Variants in ANXA4 observed in about 807,000 individuals in gnomAD.
The protein encoded by ANXA4 is 35-beta calcimedin.
In ANXA4, 39 loss-of-function variants were observed where a neutral mutation model predicts 49.8. That is an observed-to-expected ratio of 0.78 (90% CI 0.61 to 1.02). The LOEUF is 1.02. Ranked by LOEUF, ANXA4 falls within the 50% of genes least tolerant of loss-of-function variation. The pLI is 0.00. For missense variants in ANXA4, 360 were observed against 410.1 expected, an observed-to-expected ratio of 0.88 and a Z score of 1.05; for synonymous variants, 134 against 152.5, an observed-to-expected ratio of 0.88 and a Z score of 0.89.
Position 69,816,043 on chromosome 2 carries a change from G to A in ANXA4, c.535-58G>A, listed in dbSNP as rs956469212. ...GCTCTTTGAGCTTCTGGAAATATTT[G>A]CCTGTGTCCTGGCACATCGTTTTTG... On this transcript the variant is annotated intron_variant, in intron 8 of 12. Coordinates refer to ENST00000394295, the MANE Select transcript of ANXA4 (RefSeq NM_001153.5). 9.5e-5 allele frequency: 127 copies of A among 1,342,640 alleles called. 2 individuals carry two copies. Among genetic ancestry groups the A allele is most frequent in the South Asian group, 1.9e-4 (16 of 84,864 alleles). The allele number at this position is 1,342,640 out of a possible 1,614,324, so 83.2% of individuals were successfully genotyped here.
chr2:69,664,339 G>A (rs1441969379), intron 2 of ANXA4, among the ~76,000 whole-genome samples: 1 of 152,080 alleles, frequency 6.6e-6, no homozygotes, highest in Non-Finnish European at 1.5e-5. Context: ...GAAAGCTTTT[G>A]TGTGTGTGTT....
chr2:69,658,857 G>A (rs1011229375), intron 2 of ANXA4, among the ~76,000 whole-genome samples: 1 of 152,058 alleles, frequency 6.6e-6, no homozygotes, highest in African/African-American at 2.4e-5. Context: ...ACCACACCTG[G>A]CTAATTTTTT....
At chr2:69,772,009 C>T (rs1028708340) in intron 1 of ANXA4, among the ~76,000 whole-genome samples, 1 of 152,164 alleles carries the variant, frequency 6.6e-6, no homozygotes, top group South Asian at 2.1e-4. Flanking sequence ...TCGTAGAGTT[C>T]AGATACTGTT....
chr2:69,659,322 A>G (rs1477059184), intron 2 of ANXA4, among the ~76,000 whole-genome samples: 1 of 152,234 alleles, frequency 6.6e-6, no homozygotes, highest in Admixed American at 6.5e-5. Flanking sequence ...AGATGAAAAG[A>G]ATATGCTATT....
intron 1 of ANXA4, among the ~76,000 whole-genome samples, chr2:69,754,535 C>T (rs146828963): frequency 3.9e-4 from 59 of 152,266 alleles, no homozygotes; most frequent in African/African-American, 1.3e-3. Flanking sequence ...GCTGAGATTA[C>T]AGGCACAAGC....
intron 3 of ANXA4, among the ~76,000 whole-genome samples, chr2:69,800,424 G>A (rs2103786089): frequency 6.6e-6 from 1 of 152,322 alleles, no homozygotes; most frequent in Non-Finnish European, 1.5e-5. Context: ...CCAATGCAAG[G>A]CAGACTGTTG....
At chr2:69,774,338 C>CA (rs1491037921) in intron 1 of ANXA4, among the ~76,000 whole-genome samples, 20 of 103,270 alleles carry the variant, frequency 1.9e-4, no homozygotes, top group Non-Finnish European at 3.2e-4. Context: ...CCCCCCCCCC[C>CA]CCTTTTTTTT....
At chr2:69,765,363 G>C (rs1245954913) in intron 1 of ANXA4, among the ~76,000 whole-genome samples, 1 of 152,174 alleles carries the variant, frequency 6.6e-6, no homozygotes, top group African/African-American at 2.4e-5. Flanking sequence ...AAGGGTTCAA[G>C]TTTCTCCATA....
chr2:69,666,327 A>AAACAGACAAT lies in ANXA4; in HGVS notation n.766+13050_766+13059dup, dbSNP rs558440181. 3.1e-3 allele frequency among the ~76,000 whole-genome samples: 476 copies of AAACAGACAAT among 152,346 alleles called. 4 individuals carry two copies. The East Asian group carries it at 0.032, about 10-fold the overall frequency. On this transcript the variant is annotated intron_variant and non_coding_transcript_variant, in intron 2 of 3. Transcript: ENST00000418066. Reference sequence around the variant, plus strand: ...GCCATTGGGGTAGCTGTAATTGAAAAAACAGACAATAACAAGTGTTGACAA... The same window carrying AAACAGACAAT: ...GCCATTGGGGTAGCTGTAATTGAAAAAACAGACAATAACAGACAATAACAAGTGTTGACAA...
intron 2 of ANXA4, among the ~76,000 whole-genome samples, chr2:69,679,427 CA>C (rs1677520827): frequency 6.6e-6 from 1 of 152,192 alleles, no homozygotes; most frequent in Non-Finnish European, 1.5e-5. Flanking sequence ...GAATAGTTTG[CA>C]AACATTTTCT....
intron 12 of ANXA4, among the ~76,000 whole-genome samples, chr2:69,823,072 T>C (rs1331513115): frequency 2.0e-5 from 3 of 149,788 alleles, no homozygotes; most frequent in Non-Finnish European, 3.0e-5. Context: ...TATGGTATTA[T>C]AGTATATAAT....
At chr2:69,785,241 A>G (rs1174735346) in intron 2 of ANXA4, among the ~76,000 whole-genome samples, 1 of 152,204 alleles carries the variant, frequency 6.6e-6, no homozygotes, top group African/African-American at 2.4e-5. Context: ...GATGTGGGCC[A>G]CTATGGGCCT....
chr2:69,710,872 C>T (rs1678651934), intron 2 of ANXA4, among the ~76,000 whole-genome samples: 2 of 152,224 alleles, frequency 1.3e-5, no homozygotes, highest in African/African-American at 4.8e-5. Flanking sequence ...TGATACAGCC[C>T]CTTTGGAAAA....
chr2:69,770,050 A>G (rs2105553753), intron 1 of ANXA4, among the ~76,000 whole-genome samples: 1 of 152,362 alleles, frequency 6.6e-6, no homozygotes, highest in South Asian at 2.1e-4. Context: ...AAATATGGAC[A>G]AAAGACCGTC....
chr2:69,658,503 A>T (rs1676591258), intron 2 of ANXA4, among the ~76,000 whole-genome samples: 1 of 152,058 alleles, frequency 6.6e-6, no homozygotes, highest in African/African-American at 2.4e-5. Context: ...AAAGATATCA[A>T]AACAGTTTCA....
chr2:69,733,057 T>C (rs951497341), intron 3 of ANXA4, among the ~76,000 whole-genome samples: 2 of 152,216 alleles, frequency 1.3e-5, no homozygotes, highest in Non-Finnish European at 2.9e-5. Flanking sequence ...TGTAAATGTT[T>C]AGTAGACAAC....
At chr2:69,714,345 G>A (rs541701076) in intron 2 of ANXA4, among the ~76,000 whole-genome samples, 1 of 152,062 alleles carries the variant, frequency 6.6e-6, no homozygotes, top group South Asian at 2.1e-4. Flanking sequence ...GATGCGGTGA[G>A]GACCAAATGC....
intron 3 of ANXA4, among the ~76,000 whole-genome samples, chr2:69,729,915 A>G (rs1422393419): frequency 6.6e-6 from 1 of 152,228 alleles, no homozygotes; most frequent in Non-Finnish European, 1.5e-5. Flanking sequence ...AGATATTTGC[A>G]TAACAGACAG....
At chr2:69,715,530 G>T (rs2105415428) in intron 2 of ANXA4, among the ~76,000 whole-genome samples, 1 of 152,334 alleles carries the variant, frequency 6.6e-6, no homozygotes, top group Non-Finnish European at 1.5e-5. Context: ...AGAAAAGGGA[G>T]ATGGTCAAAT....
Sources: gnomAD v4.1 joint callset for allele counts (sites outside exome capture counted in the v4.1 genomes callset) on GRCh38, gnomAD v4.1.1 for gene constraint, MANE v1.5 for transcripts, NCBI Gene and HGNC (gene_info 2026-07-23, HGNC 2026-07-21) for gene names.